SAMMSON: variants seen among roughly 807,000 people sequenced by gnomAD.
The protein encoded by SAMMSON is survival associated mitochondrial melanoma specific oncogenic non-coding RNA.
At chr3:70,380,471 C>G (rs1486774878) in intron 9 of SAMMSON, among the ~76,000 whole-genome samples, 1 of 152,082 alleles carries the variant, frequency 6.6e-6, no homozygotes. Context: ...GAAACAATGA[C>G]AAAATAGTTG....
intron 4 of SAMMSON, among the ~76,000 whole-genome samples, chr3:70,142,318 G>GAT (rs1473346905): frequency 2.6e-5 from 4 of 151,992 alleles, no homozygotes; most frequent in Admixed American, 1.3e-4. Flanking sequence ...AAGAAACTGT[G>GAT]GTATATATAT....
chr3:70,289,011 C>T (rs1411893791), intron 6 of SAMMSON, among the ~76,000 whole-genome samples: 1 of 152,174 alleles, frequency 6.6e-6, no homozygotes, highest in African/African-American at 2.4e-5. Context: ...AAATCTTTAT[C>T]CAGTTTGCCA....
intron 7 of SAMMSON, among the ~76,000 whole-genome samples, chr3:70,309,492 GC>G (rs1232160233): frequency 6.6e-6 from 1 of 152,116 alleles, no homozygotes; most frequent in Non-Finnish European, 1.5e-5. Flanking sequence ...CATAAAGCAA[GC>G]ATTCTAGTCC....
Position 70,016,212 on chromosome 3 carries a change from C to T in SAMMSON, n.417+2540C>T, listed in dbSNP as rs111988574. ...AAAAGTGTTCCTATTTCTCCACATC[C>T]TCTCCAGCACCTGTTGTTTCCTGAC... is the stretch of plus-strand genomic sequence containing the variant. On this transcript the variant is annotated intron_variant and non_coding_transcript_variant, in intron 3 of 9. Transcript: ENST00000642114. Among the ~76,000 whole-genome samples the T allele has an allele frequency of 2.6e-5, 4 of 152,284 alleles. 1 individual carries two copies. The highest frequency in any genetic ancestry group is 9.6e-5 in the African/African-American group (4 of 41,536).
intron 7 of SAMMSON, among the ~76,000 whole-genome samples, chr3:70,325,507 T>G (rs567542218): frequency 1.3e-4 from 20 of 152,294 alleles, no homozygotes; most frequent in African/African-American, 4.8e-4. Flanking sequence ...GCATCTCTAA[T>G]TGTGCTGTGA....
At chr3:70,143,038 T>C (rs2106682313) in intron 4 of SAMMSON, among the ~76,000 whole-genome samples, 1 of 152,272 alleles carries the variant, frequency 6.6e-6, no homozygotes, top group South Asian at 2.1e-4. Flanking sequence ...ACTTAAAGCC[T>C]CAAGCACTTT....
intron 3 of SAMMSON, among the ~76,000 whole-genome samples, chr3:70,070,865 GA>G (rs767802916): frequency 6.6e-6 from 1 of 151,990 alleles, no homozygotes; most frequent in Non-Finnish European, 1.5e-5. Context: ...CTCTTGTTTG[GA>G]AGAAGGATAT....
intron 6 of SAMMSON, among the ~76,000 whole-genome samples, chr3:70,286,498 C>T (rs1420586303): frequency 6.6e-6 from 1 of 151,644 alleles, no homozygotes; most frequent in Non-Finnish European, 1.5e-5. Context: ...AGTGTGATGC[C>T]TCCAGCTTTG....
At chr3:70,269,399 A>G (rs1338779611) in intron 6 of SAMMSON, among the ~76,000 whole-genome samples, 2 of 152,208 alleles carry the variant, frequency 1.3e-5, no homozygotes, top group Non-Finnish European at 2.9e-5. Flanking sequence ...TTAGGTCTCA[A>G]TCCCTGAGTT....
chr3:70,315,629 C>T lies in SAMMSON; in HGVS notation n.739+24386C>T, dbSNP rs1702488697. Among the ~76,000 whole-genome samples the T allele has an allele frequency of 2.0e-5, 3 of 152,012 alleles. No individual in the cohort carries two copies. In the South Asian group the frequency reaches 6.2e-4, roughly 32 times the overall value. ...ATTTATTGATCCACCTAGTGATATC[C>T]TTGGGCCCCCCAAAATTGTCATCTG... On this transcript the variant is annotated intron_variant and non_coding_transcript_variant, in intron 7 of 9. Coordinates refer to ENST00000642114, the Ensembl canonical transcript of SAMMSON.
At chr3:70,104,507 C>T (rs945757593) in intron 4 of SAMMSON, among the ~76,000 whole-genome samples, 9 of 152,032 alleles carry the variant, frequency 5.9e-5, no homozygotes, top group African/African-American at 1.9e-4. Context: ...AAGTTTAAAA[C>T]GATTATGATC....
At chr3:70,303,582 C>T (rs1468824129) in intron 7 of SAMMSON, among the ~76,000 whole-genome samples, 2 of 152,130 alleles carry the variant, frequency 1.3e-5, no homozygotes, top group Non-Finnish European at 1.5e-5. Context: ...ATTAATGTAG[C>T]CAGAATCAGT....
At chr3:70,070,548 A>T in intron 3 of SAMMSON, among the ~76,000 whole-genome samples, 1 of 152,112 alleles carries the variant, frequency 6.6e-6, no homozygotes, top group African/African-American at 2.4e-5. Context: ...ATGGAATATT[A>T]CCATGGTGTA....
At chr3:70,331,840 T>C (rs1702624050) in intron 7 of SAMMSON, among the ~76,000 whole-genome samples, 1 of 152,220 alleles carries the variant, frequency 6.6e-6, no homozygotes, top group South Asian at 2.1e-4. Context: ...CAATTCAGAA[T>C]TTATCAAGTG....
At chr3:70,293,135 G>C (rs1302579983) in intron 7 of SAMMSON, among the ~76,000 whole-genome samples, 1 of 149,526 alleles carries the variant, frequency 6.7e-6, no homozygotes, top group Non-Finnish European at 1.5e-5. Context: ...TCTCCCTCCA[G>C]CTTTTTACAT....
At chr3:70,427,502 G>A (rs986919469) in intron 2 of SAMMSON, among the ~76,000 whole-genome samples, 5 of 152,144 alleles carry the variant, frequency 3.3e-5, no homozygotes, top group Non-Finnish European at 7.3e-5. Flanking sequence ...CACTTTGGGA[G>A]GCTGAGATGG....
chr3:70,351,028 G>A (rs1292271897), intron 7 of SAMMSON, among the ~76,000 whole-genome samples: 1 of 152,088 alleles, frequency 6.6e-6, no homozygotes, highest in Non-Finnish European at 1.5e-5. Flanking sequence ...CTCATAATAT[G>A]TACCTGAAAT....
At chr3:70,205,078 T>C (rs1701277933) in intron 4 of SAMMSON, 1 of 152,122 alleles carries the variant, frequency 6.6e-6, no homozygotes, top group Non-Finnish European at 1.5e-5. Flanking sequence ...CAGGTCAAAG[T>C]TGGCCCAACG....
chr3:70,405,229 T>A (rs1701169079), intron 2 of SAMMSON, among the ~76,000 whole-genome samples: 1 of 152,142 alleles, frequency 6.6e-6, no homozygotes, highest in Admixed American at 6.5e-5. Flanking sequence ...ATCCTAGACC[T>A]TCCCTACCAA....
Sources: allele counts gnomAD v4.1 joint callset (sites outside exome capture counted in the v4.1 genomes callset), GRCh38; gene constraint gnomAD v4.1.1; transcripts MANE v1.5; gene names NCBI Gene and HGNC (gene_info 2026-07-23, HGNC 2026-07-21).